BIRC6: variants seen among roughly 807,000 people sequenced by gnomAD.
BIRC6 encodes dual E2 ubiquitin-conjugating enzyme/E3 ubiquitin-protein ligase BIRC6.
In BIRC6, 98 loss-of-function variants were observed where a neutral mutation model predicts 503.3. The ratio of observed to expected loss-of-function variants is 0.19; its 90% CI spans 0.17 to 0.23. The LOEUF is 0.23. Among genes scored for constraint, BIRC6 ranks in the 10% least tolerant of loss-of-function variants. BIRC6 has a pLI of 1.00. For missense variants in BIRC6, 5,360 were observed against 5,806.0 expected (o/e 0.92, Z 2.50); for synonymous variants, 2,240 against 2,078.7 (o/e 1.08, Z -2.11).
At chr2:32,506,209 T>C (rs1355655581) in intron 50 of BIRC6, among the ~76,000 whole-genome samples, 1 of 152,188 alleles carries the variant, frequency 6.6e-6, no homozygotes, top group Non-Finnish European at 1.5e-5. Flanking sequence ...GCCAGAATTG[T>C]TTAAATTAAT....
chr2:32,477,606 C>G (rs1280308040), intron 35 of BIRC6, 23 bp downstream of exon 35: 1 of 1,599,158 alleles, frequency 6.3e-7, no homozygotes, highest in Non-Finnish European at 8.6e-7. Flanking sequence ...TAAGTGTAGA[C>G]TTACAGGGTT....
intron 66 of BIRC6, among the ~76,000 whole-genome samples, chr2:32,578,989 TACACTTA>T (rs140030296): frequency 1.1e-3 from 98 of 88,886 alleles, no homozygotes; most frequent in South Asian, 3.1e-3. Context: ...AATATATATA[TACACTTA>T]ATATATATAT....
Position 32,430,847 on chromosome 2 carries a change from G to C in BIRC6, c.3023-18G>C. 1 of 682,806 alleles carries C rather than the reference G, an allele frequency of 1.5e-6. No individual in the cohort carries two copies. The highest frequency in any genetic ancestry group is 2.5e-6 in the Non-Finnish European group (1 of 400,718). 42.3% of individuals were successfully genotyped at this position (682,806 alleles called of 1,614,324 possible). On this transcript the variant is annotated intron_variant, in intron 11 of 73. Coordinates refer to ENST00000421745, the MANE Select transcript of BIRC6 (RefSeq NM_016252.4). ...TTTTTCCACACCTATTTCAAATACT[G>C]CTCTCACTAATGTTAAGGAGTTGAT...
intron 23 of BIRC6, among the ~76,000 whole-genome samples, chr2:32,458,713 TACAG>T (rs1419996113): frequency 4.4e-5 from 6 of 137,300 alleles, no homozygotes. Flanking sequence ...TTTTTTCTGA[TACAG>T]AGTGAGACAC....
In BIRC6 at chr2:32,570,035, A is replaced by G. The variant is rs140920002; in HGVS notation, c.13145-5121A>G. Among the ~76,000 whole-genome samples, 1,344 of 152,192 alleles carry G rather than the reference A, an allele frequency of 8.8e-3. 10 individuals carry two copies. Among genetic ancestry groups the G allele is most frequent in the Middle Eastern group, 0.02 (6 of 294 alleles). ...GAGGGAATGCTTTCAGCTTTTTCCCATTAAGTATAGTGTTAGCTGTGGGTT... is the reference window on the plus strand; with the variant it reads ...GAGGGAATGCTTTCAGCTTTTTCCCGTTAAGTATAGTGTTAGCTGTGGGTT... On this transcript the variant is annotated intron_variant, in intron 65 of 73. Coordinates refer to ENST00000421745, the MANE Select transcript of BIRC6 (RefSeq NM_016252.4).
chr2:32,444,573 CA>C (rs1247066930), intron 20 of BIRC6, among the ~76,000 whole-genome samples: 31 of 152,018 alleles, frequency 2.0e-4, no homozygotes, highest in Admixed American at 2.0e-3. Flanking sequence ...ACATTTTTCA[CA>C]ATCTGTTTTA....
chr2:32,569,155 AATTTTTGT>A (rs1179494882), intron 65 of BIRC6, among the ~76,000 whole-genome samples: 1 of 151,684 alleles, frequency 6.6e-6, no homozygotes, highest in African/African-American at 2.4e-5. Flanking sequence ...AGGCCCAGGT[AATTTTTGT>A]ATTTTAGTAG....
At position 32,415,031 on chromosome 2, in the gene BIRC6, C is replaced by T. The variant is rs181614752; in HGVS notation, c.1740C>T (p.Thr580=). The part of the protein sequence containing the change: ...GGLLTYKSPA[T]SPISSNSHRS... Reference sequence around the variant, plus strand: ...TATTAACATATAAATCTCCTGCTACCTCACCCATTAGTAGTAATTCTCACA... The same window carrying T: ...TATTAACATATAAATCTCCTGCTACTTCACCCATTAGTAGTAATTCTCACA... Residue 580 remains threonine (T), a synonymous_variant, in exon 10 of 74, where the codon ACC becomes ACT. Transcript: ENST00000421745. 1.9e-6 allele frequency: 3 copies of T among 1,613,852 alleles called. No individual in the cohort carries two copies. The highest frequency in any genetic ancestry group is 2.2e-5 in the South Asian group (2 of 91,048).
chr2:32,499,793 T>G lies in BIRC6; in HGVS notation c.8715T>G (p.Asp2905Glu). 6.2e-7 allele frequency: 1 copy of G among 1,614,012 alleles called. No homozygotes were observed. Residue 2905 changes from aspartate (D) to glutamate (E), a missense_variant, in exon 46 of 74, where the codon GAT (aspartate) becomes GAG (glutamate). By Grantham distance (45) the Asp-to-Glu change is conservative. Transcript: ENST00000421745. ...TTGCCAATCTTATTCGTCCGGGTGA[T>G]GCAAAAGCAGTTTGTGGCGAAATGA... ...GLFANLIRPG[D>E]AKAVCGEMTR...
intron 45 of BIRC6, among the ~76,000 whole-genome samples, chr2:32,497,155 C>A (rs1386111734): frequency 2.0e-5 from 3 of 152,154 alleles, no homozygotes; most frequent in Non-Finnish European, 4.4e-5. Flanking sequence ...TTTCTTCTTT[C>A]ATCTGTTCAT....
chr2:32,412,553 G>A (rs961958020), intron 9 of BIRC6, among the ~76,000 whole-genome samples: 2 of 152,084 alleles, frequency 1.3e-5, no homozygotes, highest in Non-Finnish European at 2.9e-5. Context: ...ATAATGTAAT[G>A]TAGTTGTGTG....
At chr2:32,605,726 C>T (rs559428334) in intron 71 of BIRC6, among the ~76,000 whole-genome samples, 33 of 152,136 alleles carry the variant, frequency 2.2e-4, no homozygotes, top group Admixed American at 1.0e-3. Flanking sequence ...GATGGGGTCA[C>T]GGGCACCTGT....
intron 65 of BIRC6, among the ~76,000 whole-genome samples, chr2:32,558,349 A>G (rs913068727): frequency 2.6e-5 from 4 of 152,204 alleles, no homozygotes; most frequent in Admixed American, 2.6e-4. Flanking sequence ...AGTGTATACA[A>G]TTCGGTAAGT....
intron 66 of BIRC6, among the ~76,000 whole-genome samples, chr2:32,578,741 A>G (rs1482015476): frequency 7.2e-5 from 11 of 151,786 alleles, no homozygotes; most frequent in Admixed American, 7.2e-4. Flanking sequence ...GGTTGCAGTG[A>G]TCACACCATC....
chr2:32,523,090 A>G (rs903567035), intron 57 of BIRC6: 7 of 152,148 alleles, frequency 4.6e-5, no homozygotes, highest in African/African-American at 1.4e-4. Context: ...TTGTTAATAT[A>G]TATTTCTAGT....
In BIRC6 at chr2:32,402,123, C is replaced by A. The variant is rs936191164; in HGVS notation, c.1418+500C>A. 5.9e-5 allele frequency among the ~76,000 whole-genome samples: 8 copies of A among 134,838 alleles called. No individual in the cohort carries two copies. The South Asian group carries it at 7.1e-4, about 12-fold the overall frequency. The allele number at this position is 134,838 out of a possible 152,430, so 88.5% of individuals were successfully genotyped here. A position where few individuals can be genotyped will look rare whatever the true frequency, so the allele number is the denominator to read the frequency against. On this transcript the variant is annotated intron_variant, in intron 8 of 73. Coordinates refer to ENST00000421745, the MANE Select transcript of BIRC6 (RefSeq NM_016252.4). ...AGTAGTCAGCAGTGAGTTGAGATAC[C>A]ATAATTATTGCTATAGAAATATTTT...
At chr2:32,562,881 A>C (rs976825757) in intron 65 of BIRC6, among the ~76,000 whole-genome samples, 1 of 152,164 alleles carries the variant, frequency 6.6e-6, no homozygotes, top group African/African-American at 2.4e-5. Flanking sequence ...GGCATTTATG[A>C]ATAGATCTGC....
intron 68 of BIRC6, 39 bp downstream of exon 68, chr2:32,595,183 C>A: frequency 2.2e-6 from 3 of 1,345,208 alleles, no homozygotes; most frequent in Non-Finnish European, 2.1e-6. Flanking sequence ...ATCTCACTTT[C>A]CATTTTTTTT....
At chr2:32,491,350 A>C in intron 43 of BIRC6, 75 bp from the exon 44 acceptor site, 1 of 1,378,458 alleles carries the variant, frequency 7.3e-7, no homozygotes, top group Non-Finnish European at 9.6e-7. Flanking sequence ...TTGGAACTAA[A>C]AGATGCTTTC....
Sources: gnomAD v4.1 joint callset for allele counts (sites outside exome capture counted in the v4.1 genomes callset) on GRCh38, gnomAD v4.1.1 for gene constraint, MANE v1.5 for transcripts, NCBI Gene and HGNC (gene_info 2026-07-23, HGNC 2026-07-21) for gene names.